Variants in PCMTD1 observed in about 807,000 individuals in gnomAD.
PCMTD1 encodes the protein protein-L-isoaspartate (D-aspartate) O-methyltransferase domain containing 1, also known as protein-L-isoaspartate O-methyltransferase domain-containing protein 1.
In PCMTD1, 12 loss-of-function variants were observed where a neutral mutation model predicts 37.6. That is an observed-to-expected ratio of 0.32 (90% CI 0.20 to 0.52). The LOEUF (loss-of-function observed/expected upper bound fraction) is 0.52. Among genes scored for constraint, PCMTD1 ranks in the 20% least tolerant of loss-of-function variants. The pLI is 0.97. For synonymous variants in PCMTD1, 117 were observed against 135.8 expected (o/e 0.86, Z 0.96); for missense variants, 235 against 421.3 (o/e 0.56, Z 3.87).
At chr8:51,824,904 T>C (rs1390902665) in intron 5 of PCMTD1, among the ~76,000 whole-genome samples, 1 of 152,120 alleles carries the variant, frequency 6.6e-6, no homozygotes, top group East Asian at 1.9e-4. Context: ...TCTACAACCA[T>C]CTTATCTTTG....
intron 1 of PCMTD1, among the ~76,000 whole-genome samples, chr8:51,881,652 T>C (rs113792759): frequency 2.5e-4 from 7 of 27,914 alleles, no homozygotes; most frequent in Admixed American, 2.3e-3. Flanking sequence ...TTCAACCAAC[T>C]GTTTTAGAAT....
intron 2 of PCMTD1, among the ~76,000 whole-genome samples, chr8:51,855,634 T>G (rs2129284804): frequency 6.6e-6 from 1 of 152,058 alleles, no homozygotes; most frequent in Middle Eastern, 3.4e-3. Context: ...AGAGTATATC[T>G]TATACAGAAA....
intron 1 of PCMTD1, among the ~76,000 whole-genome samples, chr8:51,877,694 C>A (rs2038732608): frequency 6.6e-6 from 1 of 152,062 alleles, no homozygotes; most frequent in Non-Finnish European, 1.5e-5. Flanking sequence ...GATATATGCC[C>A]TGAGATGGAC....
chr8:51,821,764 G>A (rs1432073327), intron 5 of PCMTD1, among the ~76,000 whole-genome samples: 3 of 150,754 alleles, frequency 2.0e-5, no homozygotes, highest in Non-Finnish European at 2.9e-5. Context: ...TTGAGACGGA[G>A]TTTCACTCTG....
intron 3 of PCMTD1, among the ~76,000 whole-genome samples, chr8:51,840,570 A>G (rs1437732475): frequency 6.6e-6 from 1 of 152,184 alleles, no homozygotes; most frequent in African/African-American, 2.4e-5. Flanking sequence ...TGAATATATA[A>G]TGAATTATAT....
rs529568086 is a variant in PCMTD1, at chr8:51,859,189, C to T, written c.307+1656G>A. ...CATGGTATAAGGCTTGGACTCCAGCCCAGAGTTGCCAGAGCTGGTTAAGAA... is the reference window on the plus strand; with the variant it reads ...CATGGTATAAGGCTTGGACTCCAGCTCAGAGTTGCCAGAGCTGGTTAAGAA... On this transcript the variant is annotated intron_variant, in intron 2 of 5. Transcript: ENST00000522514. Among the ~76,000 whole-genome samples the T allele has an allele frequency of 2.6e-5, 4 of 152,132 alleles. No homozygotes were observed. The South Asian group carries it at 6.2e-4, about 24-fold the overall frequency.
At chr8:51,838,336 T>A (rs1012753020) in intron 3 of PCMTD1, among the ~76,000 whole-genome samples, 36 of 151,738 alleles carry the variant, frequency 2.4e-4, no homozygotes, top group Admixed American at 2.1e-3. Context: ...ATTTTTTTTT[T>A]AAATCAGTTA....
upstream of PCMTD1, chr8:51,899,061 A>C: frequency 6.7e-7 from 1 of 1,502,854 alleles, no homozygotes; most frequent in Non-Finnish European, 8.8e-7. Context: ...CGGACCCGCG[A>C]CTGGAGCAGC....
At chr8:51,820,803 G>C in intron 5 of PCMTD1, 85 bp from the exon 6 acceptor site, 2 of 1,334,666 alleles carry the variant, frequency 1.5e-6, no homozygotes, top group South Asian at 3.3e-5. Context: ...AACAAAATGT[G>C]TTTCTTAGCA....
chr8:51,824,433 A>C (rs746383959), intron 5 of PCMTD1, among the ~76,000 whole-genome samples: 1 of 152,194 alleles, frequency 6.6e-6, no homozygotes, highest in Non-Finnish European at 1.5e-5. Context: ...TCATGAGTGA[A>C]CTCCCATTCG....
At chr8:51,846,291 T>C (rs555331778) in intron 2 of PCMTD1, among the ~76,000 whole-genome samples, 1 of 152,286 alleles carries the variant, frequency 6.6e-6, no homozygotes, top group East Asian at 1.9e-4. Context: ...ATGCTGGACT[T>C]GACTCTCATG....
At chr8:51,881,901 C>T (rs2038798102) in intron 1 of PCMTD1, among the ~76,000 whole-genome samples, 1 of 152,134 alleles carries the variant, frequency 6.6e-6, no homozygotes, top group African/African-American at 2.4e-5. Context: ...GCTGAAGTTC[C>T]CTTAACCACA....
At chr8:51,856,756 A>G in intron 2 of PCMTD1, among the ~76,000 whole-genome samples, 1 of 152,264 alleles carries the variant, frequency 6.6e-6, no homozygotes, top group Non-Finnish European at 1.5e-5. Flanking sequence ...TGGATTCAGA[A>G]GACCATATAT....
At chr8:51,821,462 A>G (rs2037847457) in intron 5 of PCMTD1, among the ~76,000 whole-genome samples, 1 of 152,154 alleles carries the variant, frequency 6.6e-6, no homozygotes, top group African/African-American at 2.4e-5. Context: ...AAAATACACA[A>G]AAACCATCTG....
Position 51,861,062 on chromosome 8 carries a change from C to T in PCMTD1, c.90G>A (p.Glu30=). 2 of 1,614,092 alleles carry T rather than the reference C, an allele frequency of 1.2e-6. No homozygotes were observed. Among genetic ancestry groups the T allele is most frequent in the East Asian group, 4.5e-5 (2 of 44,864 alleles). Residue 30 remains glutamate, a synonymous_variant, in exon 2 of 6, where the codon GAG becomes GAA. Transcript: ENST00000522514. ...EAQYIRTERV[E]QAFRAIDRGD... Reference sequence around the variant, plus strand: ...CACGATCAATCGCTCTGAAGGCTTGCTCCACTCTTTCAGTACGAATATACT... The same window carrying T: ...CACGATCAATCGCTCTGAAGGCTTGTTCCACTCTTTCAGTACGAATATACT...
chr8:51,837,953 G>T (rs914724590), intron 3 of PCMTD1, among the ~76,000 whole-genome samples: 1 of 151,830 alleles, frequency 6.6e-6, no homozygotes, highest in African/African-American at 2.4e-5. Context: ...CTAATTTTTT[G>T]TATTTTAGTA....
At chr8:51,886,612 T>G (rs1226353845) in intron 1 of PCMTD1, among the ~76,000 whole-genome samples, 2 of 152,208 alleles carry the variant, frequency 1.3e-5, no homozygotes, top group Admixed American at 6.5e-5. Flanking sequence ...CAGGACTCAA[T>G]GCCACCCCCA....
chr8:51,894,451 T>C (rs1018694175), intron 1 of PCMTD1, among the ~76,000 whole-genome samples: 2 of 152,180 alleles, frequency 1.3e-5, no homozygotes, highest in African/African-American at 4.8e-5. Flanking sequence ...GAAGACATGG[T>C]TGGGATTCAA....
Position 51,825,610 on chromosome 8 carries a change from C to T in PCMTD1, c.707-4892G>A, listed in dbSNP as rs1312896845. On this transcript the variant is annotated intron_variant, in intron 5 of 5. Coordinates refer to ENST00000522514, the MANE Select transcript of PCMTD1 (RefSeq NM_052937.4). ...TCGGGAGGCTGAGGCAGGAGAATGG[C>T]GTGAACCCAGGAAGCGGAGCTTGCA... Among the ~76,000 whole-genome samples the T allele has an allele frequency of 2.0e-3, 88 of 43,822 alleles. 11 individuals are homozygous for T. Among genetic ancestry groups the T allele is most frequent in the African/African-American group, 2.8e-3 (84 of 29,514 alleles). The allele number at this position is 43,822 out of a possible 152,430, so 28.7% of individuals were successfully genotyped here. A position where few individuals can be genotyped will look rare whatever the true frequency, so the allele number is the denominator to read the frequency against.
Sources: gnomAD v4.1 joint callset for allele counts (sites outside exome capture counted in the v4.1 genomes callset) on GRCh38, gnomAD v4.1.1 for gene constraint, MANE v1.5 for transcripts, NCBI Gene and HGNC (gene_info 2026-07-23, HGNC 2026-07-21) for gene names.